Variants in NTN1 observed in about 807,000 individuals in gnomAD.
NTN1 encodes the protein netrin-1.
Under a neutral mutation model 54.2 loss-of-function variants are expected in NTN1, and 11 were observed. That is an observed-to-expected ratio of 0.20 (90% CI 0.13 to 0.34). The LOEUF (loss-of-function observed/expected upper bound fraction) is 0.34, where lower values mean the gene tolerates loss of function less well. Ranked by LOEUF, NTN1 falls within the 10% of genes least tolerant of loss-of-function variation. The pLI is 1.00. For synonymous variants in NTN1, 371 were observed against 382.0 expected, an observed-to-expected ratio of 0.97 and a Z score of 0.33; for missense variants, 740 against 893.1, an observed-to-expected ratio of 0.83 and a Z score of 2.18.
intron 2 of NTN1, among the ~76,000 whole-genome samples, chr17:9,074,914 G>A (rs932723735): frequency 8.5e-5 from 13 of 152,202 alleles, no homozygotes; most frequent in African/African-American, 2.2e-4. Flanking sequence ...TAAGTGAGCC[G>A]TCCTCACTCT....
chr17:9,120,798 T>C (rs2092229689), intron 2 of NTN1, among the ~76,000 whole-genome samples: 1 of 152,250 alleles, frequency 6.6e-6, no homozygotes, highest in Non-Finnish European at 1.5e-5. Context: ...ATGTTGTTTT[T>C]GTACAGCAGG....
intron 2 of NTN1, among the ~76,000 whole-genome samples, chr17:9,032,342 G>A (rs967901748): frequency 1.3e-5 from 2 of 152,190 alleles, no homozygotes; most frequent in African/African-American, 2.4e-5. Context: ...TGTCCGCCCC[G>A]ACGTTTCTGG....
chr17:9,118,737 A>C (rs1448780483), intron 2 of NTN1, among the ~76,000 whole-genome samples: 1 of 152,168 alleles, frequency 6.6e-6, no homozygotes, highest in Non-Finnish European at 1.5e-5. Flanking sequence ...AAATGAAATC[A>C]TATAATATGT....
chr17:9,183,426 C>T (rs62068200), intron 5 of NTN1: 153,988 of 415,438 alleles, frequency 0.37, 29,956 homozygotes, highest in Middle Eastern at 0.48. Context: ...CATTTTCATT[C>T]GCCTCTAACT....
In NTN1 at chr17:9,211,799, A is replaced by T. The variant is rs548094638; in HGVS notation, c.1412-9369A>T. Among the ~76,000 whole-genome samples the T allele has an allele frequency of 6.6e-6, 1 of 152,192 alleles. No homozygotes were observed. Among genetic ancestry groups the T allele is most frequent in the East Asian group, 1.9e-4 (1 of 5,196 alleles). On this transcript the variant is annotated intron_variant, in intron 5 of 6. Coordinates refer to ENST00000173229, the MANE Select transcript of NTN1 (RefSeq NM_004822.3). The surrounding 1 kb of genome is among the most constrained non-coding windows in gnomAD (Gnocchi z 4.4). ...ATAATTTGAGATTGAACATGGGTGCATCTCTTTGTTCCCTTTTTATTTCCT... is the reference window on the plus strand; with the variant it reads ...ATAATTTGAGATTGAACATGGGTGCTTCTCTTTGTTCCCTTTTTATTTCCT...
At chr17:9,158,448 G>T (rs1193172844) in intron 2 of NTN1, among the ~76,000 whole-genome samples, 2 of 152,196 alleles carry the variant, frequency 1.3e-5, no homozygotes, top group Admixed American at 6.5e-5. Flanking sequence ...GAGGAAGTGA[G>T]GCCTGGGTGA....
chr17:9,204,439 G>A (rs554978945), intron 5 of NTN1, among the ~76,000 whole-genome samples: 4 of 152,052 alleles, frequency 2.6e-5, no homozygotes, highest in South Asian at 2.1e-4. Flanking sequence ...GACTACAGGC[G>A]CCCACCACCA....
intron 5 of NTN1, among the ~76,000 whole-genome samples, chr17:9,184,581 C>T (rs978226693): frequency 6.6e-6 from 1 of 152,210 alleles, no homozygotes; most frequent in Non-Finnish European, 1.5e-5. Context: ...CCGCGGGGGG[C>T]TGAGGCTTCC....
chr17:9,042,522 C>T (rs2091925774), intron 2 of NTN1, among the ~76,000 whole-genome samples: 1 of 148,466 alleles, frequency 6.7e-6, no homozygotes, highest in East Asian at 2.0e-4. Context: ...GGCGCGGTGG[C>T]TCACGCCTGT....
At chr17:9,186,837 A>G (rs2092434870) in intron 5 of NTN1, among the ~76,000 whole-genome samples, 1 of 152,204 alleles carries the variant, frequency 6.6e-6, no homozygotes, top group South Asian at 2.1e-4. Flanking sequence ...TCTCTTGTTT[A>G]GGCTTTTGTT....
At chr17:9,144,902 C>T (rs553192935) in intron 2 of NTN1, among the ~76,000 whole-genome samples, 43 of 152,268 alleles carry the variant, frequency 2.8e-4, no homozygotes, top group African/African-American at 9.6e-4. Flanking sequence ...GTGGGAGGGA[C>T]CCCAGGACCC....
At chr17:9,230,331 C>T (rs1391068247) in intron 6 of NTN1, among the ~76,000 whole-genome samples, 1 of 152,108 alleles carries the variant, frequency 6.6e-6, no homozygotes, top group African/African-American at 2.4e-5. Flanking sequence ...GCCCCCCTGT[C>T]CAGGGACAGG....
At chr17:9,084,929 C>T (rs1415487975) in intron 2 of NTN1, among the ~76,000 whole-genome samples, 2 of 152,108 alleles carry the variant, frequency 1.3e-5, no homozygotes, top group Non-Finnish European at 2.9e-5. Context: ...GGATTACAGG[C>T]GTGAGCCACC....
chr17:9,054,858 C>A, intron 2 of NTN1, among the ~76,000 whole-genome samples: 1 of 151,838 alleles, frequency 6.6e-6, no homozygotes, highest in East Asian at 1.9e-4. Context: ...CTAAATGGAG[C>A]ATTTCTGTCG....
intron 2 of NTN1, among the ~76,000 whole-genome samples, chr17:9,089,186 G>A (rs2092100184): frequency 6.6e-6 from 1 of 152,140 alleles, no homozygotes; most frequent in Admixed American, 6.5e-5. Flanking sequence ...GCCGAGACTG[G>A]TGGATCACCC....
chr17:9,008,914 G>C, the NTN1 span, among the ~76,000 whole-genome samples: 6 of 152,154 alleles, frequency 3.9e-5, no homozygotes, highest in African/African-American at 1.4e-4. Context: ...GGTGGTGGAT[G>C]CCTGTAGTCC....
At chr17:9,037,291 T>A (rs1275275712) in intron 2 of NTN1, among the ~76,000 whole-genome samples, 1 of 152,204 alleles carries the variant, frequency 6.6e-6, no homozygotes, top group Non-Finnish European at 1.5e-5. Flanking sequence ...TTTCCTATAG[T>A]CTTTGTTAGT....
chr17:9,204,924 C>G (rs1188076167), intron 5 of NTN1, among the ~76,000 whole-genome samples: 11 of 128,238 alleles, frequency 8.6e-5, no homozygotes, highest in Non-Finnish European at 1.1e-4. Flanking sequence ...TGCTGTCAAC[C>G]CTCATTTTTT....
rs201189799 is a variant in NTN1, at chr17:9,162,806, C to A, written c.1019-7C>A. On this transcript the variant is annotated splice_region_variant and splice_polypyrimidine_tract_variant and intron_variant, in intron 2 of 6. Coordinates refer to ENST00000173229, the MANE Select transcript of NTN1 (RefSeq NM_004822.3). ...CGGCTGACACCTCTCTCTGTCTCCC[C>A]CTGCAGCCTGTAACTGCAACCTGCA... 3,522 of 1,607,046 alleles carry A rather than the reference C, an allele frequency of 2.2e-3. 4 individuals carry two copies. The highest frequency in any genetic ancestry group is 3.2e-3 in the Admixed American group (194 of 59,888).
Sources: gnomAD v4.1 joint callset for allele counts (sites outside exome capture counted in the v4.1 genomes callset) on GRCh38, gnomAD v4.1.1 for gene constraint, Gnocchi (gnomAD v3.1) non-coding constraint, MANE v1.5 for transcripts, NCBI Gene and HGNC (gene_info 2026-07-23, HGNC 2026-07-21) for gene names.